TDRP: variants seen among roughly 807,000 people sequenced by gnomAD.
TDRP encodes the protein testis development-related protein.
In TDRP, 12 loss-of-function variants were observed where a neutral mutation model predicts 10.5. That is an observed-to-expected ratio of 1.15 (90% CI 0.73 to 1.86). The LOEUF (loss-of-function observed/expected upper bound fraction) is 1.86, where lower values mean the gene tolerates loss of function less well. TDRP is among the 40% of genes most tolerant of loss of function. The probability of loss-of-function intolerance (pLI) is 0.00; values close to 1 mark genes in which losing one functional copy is unlikely to be tolerated. For missense variants in TDRP, 353 were observed against 229.2 expected, an observed-to-expected ratio of 1.54 and a Z score of -3.49; for synonymous variants, 139 against 95.4, an observed-to-expected ratio of 1.46 and a Z score of -2.67.
At chr8:526,318 C>T (rs993952073) in intron 1 of TDRP, among the ~76,000 whole-genome samples, 1 of 152,080 alleles carries the variant, frequency 6.6e-6, no homozygotes, top group African/African-American at 2.4e-5. Flanking sequence ...TAAAATGCAC[C>T]ACTGGGTTGT....
At position 535,100 on chromosome 8, in the gene TDRP, T is replaced by G. The variant is rs559546689; in HGVS notation, c.108+9550A>C. 3.3e-5 allele frequency among the ~76,000 whole-genome samples: 5 copies of G among 152,362 alleles called. No homozygotes were observed. The South Asian group carries it at 1.0e-3, about 32-fold the overall frequency. ...TATAACATTTTTGTACAGAATATTGTACTTCCATCTGAAAGATTAGAAAGC... is the reference window on the plus strand; with the variant it reads ...TATAACATTTTTGTACAGAATATTGGACTTCCATCTGAAAGATTAGAAAGC... On this transcript the variant is annotated intron_variant, in intron 1 of 2. Transcript: ENST00000324079.
chr8:499,379 G>A (rs1214036982), intron 1 of TDRP, among the ~76,000 whole-genome samples: 1 of 152,142 alleles, frequency 6.6e-6, no homozygotes, highest in African/African-American at 2.4e-5. Context: ...TGGGCTGGCA[G>A]TAGAACCCAC....
intron 1 of TDRP, among the ~76,000 whole-genome samples, chr8:518,308 G>C (rs1420973387): frequency 6.6e-6 from 1 of 152,176 alleles, no homozygotes; most frequent in Non-Finnish European, 1.5e-5. Context: ...TATTGAAAAA[G>C]AGAAGATGAC....
At chr8:493,221 T>C (rs111962959) in intron 2 of TDRP, among the ~76,000 whole-genome samples, 9 of 152,322 alleles carry the variant, frequency 5.9e-5, no homozygotes, top group African/African-American at 2.2e-4. Flanking sequence ...CCATCTACTA[T>C]AAAAAGGAAA....
chr8:526,209 GCTGGTCTTGAACTACTGGC>G (rs1475408135), intron 1 of TDRP, among the ~76,000 whole-genome samples: 1 of 152,124 alleles, frequency 6.6e-6, no homozygotes, highest in Non-Finnish European at 1.5e-5. Flanking sequence ...GGTTGGCCAG[GCTGGTCTTGAACTACTGGC>G]CTCCAGTGAT....
rs181007756 is a variant in TDRP at position 527,511 on chromosome 8, T to C, written c.108+17139A>G. On this transcript the variant is annotated intron_variant, in intron 1 of 2. Transcript: ENST00000324079. ...AGGAATCATGTTACCCGACTTCAAA[T>C]TATACTACAGAGCTAGAGTAACCAA... Among the ~76,000 whole-genome samples, 276 of 152,168 alleles carry C rather than the reference T, an allele frequency of 1.8e-3. 2 individuals carry two copies. Among genetic ancestry groups the C allele is most frequent in the African/African-American group, 6.5e-3 (268 of 41,522 alleles).
Position 507,408 on chromosome 8 carries a change from G to C in TDRP, c.109-12811C>G, listed in dbSNP as rs368480357. Among the ~76,000 whole-genome samples, 3 of 152,098 alleles carry C rather than the reference G, an allele frequency of 2.0e-5. No homozygotes were observed. The South Asian group carries it at 6.2e-4, about 32-fold the overall frequency. ...TGGGGTCAGAGTAAATATCAAGCAGGGACCTCAAACTGTTCCTTCACAGAA... is the reference window on the plus strand; with the variant it reads ...TGGGGTCAGAGTAAATATCAAGCAGCGACCTCAAACTGTTCCTTCACAGAA... On this transcript the variant is annotated intron_variant, in intron 1 of 2. Coordinates refer to ENST00000324079, the MANE Select transcript of TDRP (RefSeq NM_001384899.1).
chr8:545,563 A>C (rs1038865584), upstream of TDRP: 3 of 152,156 alleles, frequency 2.0e-5, no homozygotes, highest in Admixed American at 6.6e-5. Context: ...AGGCCGCGGC[A>C]AGGCTGAGGG....
At chr8:530,803 C>T (rs1348581177) in intron 1 of TDRP, among the ~76,000 whole-genome samples, 2 of 152,092 alleles carry the variant, frequency 1.3e-5, no homozygotes, top group Non-Finnish European at 2.9e-5. Context: ...GGGCAGTCCC[C>T]CTGAAAAGCC....
In TDRP at chr8:492,398, C is replaced by CT; in HGVS notation, c.558dup. On this transcript the variant is annotated 3_prime_UTR_variant, in exon 3 of 3. Transcript: ENST00000324079. ...GGGGCACACTTGCCACGCAGCCCCC[C>CT]TCACTCCGCCTCCTCCGGGCTATCT... is the stretch of plus-strand genomic sequence containing the variant. 6.6e-7 allele frequency: 1 copy of CT among 1,519,566 alleles called. No individual in the cohort carries two copies. Among genetic ancestry groups the CT allele is most frequent in the Non-Finnish European group, 8.8e-7 (1 of 1,131,530 alleles). The allele number at this position is 1,519,566 out of a possible 1,614,324, so 94.1% of individuals were successfully genotyped here.
intron 1 of TDRP, among the ~76,000 whole-genome samples, chr8:513,740 C>T (rs764645294): frequency 1.5e-4 from 23 of 152,202 alleles, no homozygotes; most frequent in African/African-American, 4.6e-4. Context: ...CTTTTGCATA[C>T]AAAATATGAA....
At chr8:521,849 T>C (rs1407306221) in intron 1 of TDRP, among the ~76,000 whole-genome samples, 2 of 152,180 alleles carry the variant, frequency 1.3e-5, no homozygotes, top group East Asian at 3.9e-4. Flanking sequence ...ATATAAGTCT[T>C]CCAAACCATC....
intron 1 of TDRP, among the ~76,000 whole-genome samples, chr8:512,944 C>T (rs978943831): frequency 6.8e-6 from 1 of 148,064 alleles, no homozygotes; most frequent in South Asian, 2.2e-4. Flanking sequence ...TGCACTCCAG[C>T]CTGGGTGACA....
intron 1 of TDRP, among the ~76,000 whole-genome samples, chr8:543,887 T>G (rs1373418477): frequency 1.6e-5 from 2 of 125,258 alleles, no homozygotes. Flanking sequence ...TGACCTAAAT[T>G]TCATTGTACA....
intron 1 of TDRP, among the ~76,000 whole-genome samples, chr8:497,312 T>C (rs770447346): frequency 1.5e-4 from 23 of 152,186 alleles, no homozygotes; most frequent in Non-Finnish European, 3.2e-4. Flanking sequence ...GAGGAACTTA[T>C]CGGAAACTGG....
intron 1 of TDRP, among the ~76,000 whole-genome samples, chr8:539,670 G>C (rs1343008841): frequency 1.3e-5 from 2 of 152,186 alleles, no homozygotes; most frequent in Non-Finnish European, 2.9e-5. Context: ...TATACAAGCA[G>C]GGAGAGAAAG....
At chr8:537,057 C>T (rs1345705384) in intron 1 of TDRP, among the ~76,000 whole-genome samples, 3 of 152,206 alleles carry the variant, frequency 2.0e-5, no homozygotes, top group Admixed American at 6.5e-5. Context: ...TCCTGCTCCC[C>T]GCTCCAGACT....
chr8:497,099 G>A (rs1026639363), intron 1 of TDRP, among the ~76,000 whole-genome samples: 1 of 152,184 alleles, frequency 6.6e-6, no homozygotes. Flanking sequence ...GTGCGGTACT[G>A]CTATAAAGAT....
chr8:493,399 T>A (rs947520466), intron 2 of TDRP, among the ~76,000 whole-genome samples: 8 of 152,280 alleles, frequency 5.3e-5, no homozygotes, highest in African/African-American at 1.7e-4. Context: ...GGTTTACCCA[T>A]CCTCTACAGA....
Sources: gnomAD v4.1 joint callset for allele counts (sites outside exome capture counted in the v4.1 genomes callset) on GRCh38, gnomAD v4.1.1 for gene constraint, MANE v1.5 for transcripts, NCBI Gene and HGNC (gene_info 2026-07-23, HGNC 2026-07-21) for gene names.